Variants in LRP1B observed in about 807,000 individuals in gnomAD.
The protein encoded by LRP1B is low-density lipoprotein receptor-related protein 1B.
LRP1B carries 217 observed loss-of-function variants against 556.6 expected under a neutral mutation model. That is an observed-to-expected ratio of 0.39 (90% CI 0.35 to 0.44). The LOEUF is 0.44. Among genes scored for constraint, LRP1B ranks in the 20% least tolerant of loss-of-function variants. The pLI is 1.00. For synonymous variants in LRP1B, 2,047 were observed against 1,865.8 expected (o/e 1.10, Z -2.50); for missense variants, 5,053 against 5,620.8 (o/e 0.90, Z 3.23).
chr2:141,595,222 G>T (rs1687475910), intron 2 of LRP1B, among the ~76,000 whole-genome samples: 2 of 151,960 alleles, frequency 1.3e-5, no homozygotes, highest in Admixed American at 1.3e-4. Context: ...GCTTTGTGAA[G>T]GTTTTCTTAC....
chr2:141,958,357 T>C (rs1464553162), intron 1 of LRP1B, among the ~76,000 whole-genome samples: 1 of 151,970 alleles, frequency 6.6e-6, no homozygotes. Flanking sequence ...CTCAGTTCTC[T>C]CAGAAGGCTA....
intron 1 of LRP1B, among the ~76,000 whole-genome samples, chr2:142,075,681 T>TA (rs1397027531): frequency 6.6e-6 from 1 of 152,060 alleles, no homozygotes; most frequent in Non-Finnish European, 1.5e-5. Context: ...AGGAAAGTGT[T>TA]AAACTCCTGT....
At chr2:140,936,724 T>C (rs947437538) in intron 20 of LRP1B, among the ~76,000 whole-genome samples, 5 of 152,204 alleles carry the variant, frequency 3.3e-5, no homozygotes, top group African/African-American at 1.2e-4. Flanking sequence ...AAAAATATTA[T>C]TCTAAAAGCT....
At chr2:142,021,391 T>C (rs1327515611) in intron 1 of LRP1B, among the ~76,000 whole-genome samples, 1 of 152,142 alleles carries the variant, frequency 6.6e-6, no homozygotes, top group East Asian at 1.9e-4. Context: ...TAAGTCATTA[T>C]GTTAAAATTC....
At chr2:141,487,493 C>T (rs1683163064) in intron 2 of LRP1B, among the ~76,000 whole-genome samples, 2 of 152,178 alleles carry the variant, frequency 1.3e-5, no homozygotes, top group Admixed American at 1.3e-4. Flanking sequence ...ACTTTCATCT[C>T]ACGAATACTC....
chr2:141,785,650 C>G (rs1695407112), intron 2 of LRP1B, among the ~76,000 whole-genome samples: 1 of 150,674 alleles, frequency 6.6e-6, no homozygotes, highest in African/African-American at 2.4e-5. Context: ...ATATATTTTC[C>G]TTCACATCTA....
intron 2 of LRP1B, among the ~76,000 whole-genome samples, chr2:141,621,809 G>T (rs891446557): frequency 1.3e-5 from 2 of 152,116 alleles, no homozygotes; most frequent in African/African-American, 4.8e-5. Flanking sequence ...AAGAAAAGAA[G>T]AAAAGAAGAT....
chr2:141,761,559 T>A (rs1427596532), intron 2 of LRP1B, among the ~76,000 whole-genome samples: 1 of 152,152 alleles, frequency 6.6e-6, no homozygotes, highest in Admixed American at 6.5e-5. Flanking sequence ...GCTTGAGATG[T>A]GCTATTAGAA....
intron 3 of LRP1B, among the ~76,000 whole-genome samples, chr2:141,365,970 GC>G (rs750028565): frequency 6.6e-5 from 10 of 152,098 alleles, no homozygotes; most frequent in Non-Finnish European, 1.2e-4. Flanking sequence ...ACCGCACCCG[GC>G]CAACAAGTTC....
At chr2:141,213,752 T>C (rs1028953685) in intron 6 of LRP1B, among the ~76,000 whole-genome samples, 2 of 152,238 alleles carry the variant, frequency 1.3e-5, no homozygotes, top group African/African-American at 2.4e-5. Context: ...TAATACCAAA[T>C]ACAAAGTAAA....
intron 18 of LRP1B, among the ~76,000 whole-genome samples, chr2:140,954,434 A>C (rs1482313353): frequency 6.6e-6 from 1 of 152,142 alleles, no homozygotes; most frequent in Non-Finnish European, 1.5e-5. Flanking sequence ...TTTAAATTTT[A>C]TCTCTCTTCT....
intron 43 of LRP1B, among the ~76,000 whole-genome samples, chr2:140,552,313 T>A (rs1435651913): frequency 6.6e-6 from 1 of 152,154 alleles, no homozygotes; most frequent in African/African-American, 2.4e-5. Context: ...GATATTCTTA[T>A]GAAAAATGAC....
chr2:141,577,540 A>G (rs1686796761), intron 2 of LRP1B, among the ~76,000 whole-genome samples: 1 of 152,236 alleles, frequency 6.6e-6, no homozygotes, highest in African/African-American at 2.4e-5. Context: ...TCACCGTACC[A>G]TGACACAAGT....
rs1262231206 is a variant in LRP1B, at chr2:141,059,023, T to C, written c.1268A>G (p.Glu423Gly). ...AGAATTGGTTGCATACAAATAATCT[T>C]CAAACACAGTTATACCATAAAGATG... ...VRHLYGITVFEDYLYATNSDN... is the reference protein window; with the variant it reads ...VRHLYGITVFGDYLYATNSDN... Residue 423 changes from glutamate to glycine, a missense_variant, in exon 9 of 91, where the codon GAA (glutamate) becomes GGA (glycine). Physicochemically the swap from Glu to Gly is moderately conservative, Grantham distance 98. Around this residue, in one of 5 missense-constraint regions of LRP1B, gnomAD observed 3,619 missense variants for 3,931.9 expected, o/e 0.92. Coordinates refer to ENST00000389484, the MANE Select transcript of LRP1B (RefSeq NM_018557.3). 2 of 1,584,142 alleles carry C rather than the reference T, an allele frequency of 1.3e-6. No homozygotes were observed. The highest frequency in any genetic ancestry group is 2.3e-5 in the East Asian group (1 of 43,862).
intron 3 of LRP1B, among the ~76,000 whole-genome samples, chr2:141,412,551 T>C (rs533805578): frequency 5.3e-5 from 7 of 132,544 alleles, no homozygotes; most frequent in African/African-American, 2.1e-4. Flanking sequence ...ATTAAGACTT[T>C]GTGTATGTAC....
At chr2:140,411,761 T>G (rs2105248357) in intron 66 of LRP1B, among the ~76,000 whole-genome samples, 1 of 152,226 alleles carries the variant, frequency 6.6e-6, no homozygotes. Flanking sequence ...ACCACCTAAT[T>G]TAAAGGTTTT....
intron 1 of LRP1B, among the ~76,000 whole-genome samples, chr2:142,101,380 A>G (rs1389188488): frequency 6.6e-6 from 1 of 152,064 alleles, no homozygotes; most frequent in Non-Finnish European, 1.5e-5. Flanking sequence ...ACACTTAATA[A>G]AAATGGAATA....
intron 3 of LRP1B, among the ~76,000 whole-genome samples, chr2:141,434,743 T>C (rs991582332): frequency 7.9e-6 from 1 of 126,724 alleles, no homozygotes; most frequent in Non-Finnish European, 1.7e-5. Flanking sequence ...GCTGGTGGTA[T>C]TGATAGGTCA....
intron 2 of LRP1B, among the ~76,000 whole-genome samples, chr2:141,700,265 T>C (rs1392053703): frequency 6.6e-6 from 1 of 151,834 alleles, no homozygotes; most frequent in Non-Finnish European, 1.5e-5. Flanking sequence ...CTGGTATTTG[T>C]TTATTCCCCG....
Sources: gnomAD v4.1 joint callset for allele counts (sites outside exome capture counted in the v4.1 genomes callset) on GRCh38, gnomAD v4.1.1 for gene constraint, gnomAD v4.1.1 regional missense constraint, MANE v1.5 for transcripts, NCBI Gene and HGNC (gene_info 2026-07-23, HGNC 2026-07-21) for gene names.